RGS6: variants seen among roughly 807,000 people sequenced by gnomAD.
The protein encoded by RGS6 is regulator of G protein signaling 6.
RGS6 carries 30 observed loss-of-function variants against 78.5 expected under a neutral mutation model. The ratio of observed to expected loss-of-function variants is 0.38; its 90% CI spans 0.29 to 0.52. RGS6 has a LOEUF of 0.52. Ranked by LOEUF, RGS6 falls within the 20% of genes least tolerant of loss-of-function variation. RGS6 has a pLI of 0.85. For missense variants in RGS6, 495 were observed against 609.7 expected, an observed-to-expected ratio of 0.81 and a Z score of 1.98; for synonymous variants, 206 against 206.0, an observed-to-expected ratio of 1.00 and a Z score of 0.00.
the RGS6 span, among the ~76,000 whole-genome samples, chr14:71,906,230 ACT>A: frequency 6.6e-6 from 1 of 152,022 alleles, no homozygotes; most frequent in Non-Finnish European, 1.5e-5. Flanking sequence ...GCCAATAATA[ACT>A]CTCTCAACAC....
At chr14:72,543,400 C>T (rs1376898134) in intron 17 of RGS6, among the ~76,000 whole-genome samples, 1 of 152,194 alleles carries the variant, frequency 6.6e-6, no homozygotes, top group Non-Finnish European at 1.5e-5. Context: ...CTCCAGGGCC[C>T]CCAATACATG....
At chr14:72,438,953 C>T (rs986589702) in intron 3 of RGS6, among the ~76,000 whole-genome samples, 3 of 152,270 alleles carry the variant, frequency 2.0e-5, no homozygotes, top group African/African-American at 7.2e-5. Flanking sequence ...ACAGATCAAG[C>T]TTGCTTCCTG....
intron 2 of RGS6, among the ~76,000 whole-genome samples, chr14:72,289,377 G>A (rs750508902): frequency 3.4e-4 from 52 of 150,932 alleles, no homozygotes; most frequent in Non-Finnish European, 6.2e-4. Context: ...CCGTTTTCCT[G>A]TGGTATTGAA....
intron 2 of RGS6, among the ~76,000 whole-genome samples, chr14:71,993,598 C>T (rs1490775824): frequency 2.6e-5 from 4 of 152,120 alleles, no homozygotes; most frequent in African/African-American, 4.8e-5. Flanking sequence ...CTGGCTTATA[C>T]AGATGGTAAG....
At chr14:72,541,580 G>A (rs1438419371) in intron 17 of RGS6, 10 of 1,535,572 alleles carry the variant, frequency 6.5e-6, no homozygotes, top group Non-Finnish European at 8.7e-6. Flanking sequence ...CAGAGTCAAG[G>A]CTTCTGGGAC....
chr14:72,307,832 A>C (rs992698297), intron 2 of RGS6, among the ~76,000 whole-genome samples: 2 of 152,192 alleles, frequency 1.3e-5, no homozygotes, highest in Non-Finnish European at 2.9e-5. Flanking sequence ...TAAAATGACA[A>C]ATTTTCCAAT....
chr14:71,991,339 C>G (rs1352235070), intron 2 of RGS6, among the ~76,000 whole-genome samples: 1 of 152,152 alleles, frequency 6.6e-6, no homozygotes, highest in Non-Finnish European at 1.5e-5. Flanking sequence ...TCTTCCTTCC[C>G]TCTCTCCTCA....
At chr14:71,963,240 T>C (rs1276057263) in intron 1 of RGS6, among the ~76,000 whole-genome samples, 1 of 152,234 alleles carries the variant, frequency 6.6e-6, no homozygotes, top group Non-Finnish European at 1.5e-5. Context: ...ACACAATAAA[T>C]ATAGTGTCAT....
chr14:72,518,562 G>A, intron 15 of RGS6, 25 bp downstream of exon 15: 1 of 1,604,578 alleles, frequency 6.2e-7, no homozygotes, highest in South Asian at 1.1e-5. Context: ...TCAAGTGGTT[G>A]TCATAAGGTG....
chr14:71,961,474 A>G (rs1286039578), intron 1 of RGS6, among the ~76,000 whole-genome samples: 2 of 152,128 alleles, frequency 1.3e-5, no homozygotes, highest in African/African-American at 4.8e-5. Flanking sequence ...TGCTGGGGCT[A>G]TGGTGTGTGA....
At chr14:72,202,661 C>A (rs544006985) in intron 2 of RGS6, among the ~76,000 whole-genome samples, 19 of 152,232 alleles carry the variant, frequency 1.2e-4, no homozygotes, top group Admixed American at 4.6e-4. Context: ...AGTGTCTTTG[C>A]CTTCAACTTT....
intron 2 of RGS6, among the ~76,000 whole-genome samples, chr14:72,103,492 A>G (rs1307775014): frequency 2.0e-5 from 3 of 152,216 alleles, no homozygotes; most frequent in African/African-American, 7.2e-5. Context: ...AATAGCAGCA[A>G]TCATCAAACC....
rs562600147 is a variant in RGS6, at chr14:72,257,640, C to T, written c.85-94455C>T. ...AAACCTGTACACATACTTTCTGAATCTAATATAAAATAACAAAGAAAAAAA... is the reference window on the plus strand; with the variant it reads ...AAACCTGTACACATACTTTCTGAATTTAATATAAAATAACAAAGAAAAAAA... On this transcript the variant is annotated intron_variant, in intron 2 of 17. Transcript: ENST00000553525. Among the ~76,000 whole-genome samples, 4 of 152,230 alleles carry T rather than the reference C, an allele frequency of 2.6e-5. No individual in the cohort carries two copies. In the South Asian group the frequency reaches 8.3e-4, roughly 32 times the overall value.
At chr14:72,061,210 C>T (rs1463357999) in intron 2 of RGS6, among the ~76,000 whole-genome samples, 2 of 152,180 alleles carry the variant, frequency 1.3e-5, no homozygotes, top group Non-Finnish European at 2.9e-5. Context: ...GAGATGGACC[C>T]TTTGTTTTCT....
chr14:71,976,522 T>C (rs1367999892), intron 2 of RGS6, among the ~76,000 whole-genome samples: 1 of 151,832 alleles, frequency 6.6e-6, no homozygotes, highest in Non-Finnish European at 1.5e-5. Flanking sequence ...TTTGGTTTTT[T>C]GTTCTTGCGA....
chr14:72,211,746 T>C (rs556080355), intron 2 of RGS6, among the ~76,000 whole-genome samples: 1 of 152,236 alleles, frequency 6.6e-6, no homozygotes, highest in African/African-American at 2.4e-5. Flanking sequence ...TTAGACAGCC[T>C]CCGAATTTAG....
chr14:72,389,841 A>G (rs1596618752), intron 3 of RGS6, among the ~76,000 whole-genome samples: 1 of 152,254 alleles, frequency 6.6e-6, no homozygotes, highest in Non-Finnish European at 1.5e-5. Flanking sequence ...GTTGAAGTCT[A>G]TCCCATGTGT....
chr14:72,532,740 C>A (rs1441967494), intron 15 of RGS6, among the ~76,000 whole-genome samples: 1 of 152,238 alleles, frequency 6.6e-6, no homozygotes, highest in Non-Finnish European at 1.5e-5. Flanking sequence ...TCAGACACAA[C>A]ATTCCCTTAA....
chr14:71,871,093 G>A, the RGS6 span, among the ~76,000 whole-genome samples: 1 of 152,198 alleles, frequency 6.6e-6, no homozygotes, highest in Non-Finnish European at 1.5e-5. Flanking sequence ...AACAGCACAG[G>A]TAGAGCTTCT....
Sources: allele counts gnomAD v4.1 joint callset (sites outside exome capture counted in the v4.1 genomes callset), GRCh38; gene constraint gnomAD v4.1.1; transcripts MANE v1.5; gene names NCBI Gene and HGNC (gene_info 2026-07-23, HGNC 2026-07-21).